TTC28: variants seen among roughly 807,000 people sequenced by gnomAD.
TTC28 encodes tetratricopeptide repeat domain 28, also known as tetratricopeptide repeat protein 28.
In TTC28, 61 loss-of-function variants were observed where a neutral mutation model predicts 198.0. The observed-to-expected ratio is 0.31, with a 90% CI of 0.25 to 0.38. The LOEUF is 0.38. Ranked by LOEUF, TTC28 falls within the 10% of genes least tolerant of loss-of-function variation. TTC28 has a pLI of 1.00. For missense variants in TTC28, 2,678 were observed against 3,164.0 expected (o/e 0.85, Z 3.69); for synonymous variants, 1,171 against 1,297.8 (o/e 0.90, Z 2.10).
chr22:28,606,054 G>A (rs1461475916), intron 2 of TTC28, among the ~76,000 whole-genome samples: 2 of 150,030 alleles, frequency 1.3e-5, no homozygotes, highest in South Asian at 4.2e-4. Context: ...ACATCACATT[G>A]TACTCCATAA....
chr22:28,651,311 C>CTTTT (rs111469498), intron 1 of TTC28, among the ~76,000 whole-genome samples: 2,960 of 147,528 alleles, frequency 0.02, 48 homozygotes, highest in Non-Finnish European at 0.027. Context: ...TCTGTCACTC[C>CTTTT]TTTTTTTTGA....
intron 13 of TTC28, among the ~76,000 whole-genome samples, chr22:28,020,553 G>A (rs1018872720): frequency 7.2e-5 from 11 of 152,068 alleles, no homozygotes; most frequent in African/African-American, 1.9e-4. Context: ...ATCTTCCCTC[G>A]CTGCTCATGA....
chr22:28,269,769 T>C (rs1931930886), intron 5 of TTC28, among the ~76,000 whole-genome samples: 1 of 152,204 alleles, frequency 6.6e-6, no homozygotes, highest in African/African-American at 2.4e-5. Flanking sequence ...TTAGGCTTAC[T>C]GCTGATAACT....
chr22:28,671,109 T>A (rs1344048039), intron 1 of TTC28, among the ~76,000 whole-genome samples: 1 of 151,876 alleles, frequency 6.6e-6, no homozygotes, highest in Non-Finnish European at 1.5e-5. Context: ...GGGCTAACAT[T>A]TTTTTCTATT....
intron 2 of TTC28, among the ~76,000 whole-genome samples, chr22:28,424,916 G>C (rs750084408): frequency 3.9e-5 from 6 of 152,094 alleles, no homozygotes; most frequent in Admixed American, 1.3e-4. Flanking sequence ...TTTACTCTGG[G>C]TTCTTGGATT....
At chr22:28,550,647 TA>T (rs2049650248) in intron 2 of TTC28, among the ~76,000 whole-genome samples, 1 of 152,120 alleles carries the variant, frequency 6.6e-6, no homozygotes, top group Non-Finnish European at 1.5e-5. Flanking sequence ...AATGAAACAT[TA>T]AAAAGTACCA....
chr22:28,573,579 G>A (rs1041758223), intron 2 of TTC28, among the ~76,000 whole-genome samples: 1 of 151,904 alleles, frequency 6.6e-6, no homozygotes, highest in African/African-American at 2.4e-5. Context: ...TACATAGTAG[G>A]TATATATATT....
chr22:28,587,636 C>T (rs1027068432), intron 2 of TTC28, among the ~76,000 whole-genome samples: 5 of 151,568 alleles, frequency 3.3e-5, no homozygotes, highest in Non-Finnish European at 7.4e-5. Context: ...TAATAGAGAT[C>T]GGGTTTCACC....
chr22:28,178,952 G>T (rs1051828442), intron 5 of TTC28, among the ~76,000 whole-genome samples: 7 of 152,184 alleles, frequency 4.6e-5, no homozygotes, highest in African/African-American at 1.4e-4. Context: ...TGATGAATTT[G>T]CAATCCCCAC....
intron 2 of TTC28, among the ~76,000 whole-genome samples, chr22:28,386,182 G>A (rs2046582700): frequency 1.4e-5 from 2 of 147,134 alleles, no homozygotes; most frequent in South Asian, 4.5e-4. Flanking sequence ...GGCTGAGGCA[G>A]GAGAATGGCG....
chr22:28,069,572 A>G (rs368783589), intron 12 of TTC28, among the ~76,000 whole-genome samples: 2 of 152,310 alleles, frequency 1.3e-5, no homozygotes, highest in African/African-American at 4.8e-5. Flanking sequence ...AGCATAAGAT[A>G]AAATAAAAAT....
intron 5 of TTC28, among the ~76,000 whole-genome samples, chr22:28,240,713 C>G (rs1224171363): frequency 6.6e-6 from 1 of 152,078 alleles, no homozygotes; most frequent in African/African-American, 2.4e-5. Context: ...CTTGTGGGAC[C>G]TGGGCAGGGA....
chr22:28,130,708 C>G (rs1388489809), intron 6 of TTC28, among the ~76,000 whole-genome samples: 1 of 152,146 alleles, frequency 6.6e-6, no homozygotes, highest in Non-Finnish European at 1.5e-5. Flanking sequence ...TCTGGAGATT[C>G]CTTTTGCTGC....
At chr22:28,388,167 T>C (rs1021810998) in intron 2 of TTC28, among the ~76,000 whole-genome samples, 1 of 152,232 alleles carries the variant, frequency 6.6e-6, no homozygotes, top group African/African-American at 2.4e-5. Context: ...ATATGCGGCG[T>C]TATTTCTGAG....
In TTC28 at chr22:28,629,733, T is replaced by C; in HGVS notation, c.200A>G (p.Gln67Arg). Residue 67 changes from glutamine to arginine, a missense_variant, in exon 2 of 23, where the codon CAG (glutamine) becomes CGG (arginine). Coordinates refer to ENST00000397906, the MANE Select transcript of TTC28 (RefSeq NM_001145418.2). The stretch of plus-strand genomic sequence containing the variant: ...GTGGAAATCTCCATCATGACAGGCC[T>C]GATTACTCTGACGAACTTTCTCAAC... ...EFVEKVRQSN[Q>R]ACHDGDFHTA... 6.4e-7 allele frequency: 1 copy of C among 1,551,730 alleles called. No individual in the cohort carries two copies. The highest frequency in any genetic ancestry group is 8.7e-7 in the Non-Finnish European group (1 of 1,146,988).
Position 28,552,758 on chromosome 22 carries a change from T to TCTCCCC in TTC28, c.381+76793_381+76794insGGGGAG, listed in dbSNP as rs2049700072. ...ATGGATCAAAGCCTCTCCCTCTCCC[T>TCTCCCC]CTCCGCCTCCCCCTCCCCCTCCCCC... On this transcript the variant is annotated intron_variant, in intron 2 of 22. Transcript: ENST00000397906. Among the ~76,000 whole-genome samples the TCTCCCC allele has an allele frequency of 8.3e-5, 11 of 133,308 alleles. 1 individual carries two copies. The highest frequency in any genetic ancestry group is 1.9e-4 in the Non-Finnish European group (11 of 58,686). 87.5% of individuals were successfully genotyped at this position (133,308 alleles called of 152,430 possible).
At chr22:28,525,917 G>T (rs921153838) in intron 2 of TTC28, among the ~76,000 whole-genome samples, 2 of 152,124 alleles carry the variant, frequency 1.3e-5, no homozygotes, top group African/African-American at 4.8e-5. Flanking sequence ...AAACACTATA[G>T]TATCTACTAT....
Position 28,124,200 on chromosome 22 carries a change from T to TG in TTC28, c.1442-15798_1442-15797insC, listed in dbSNP as rs10693754. ...TTGTTGTTGTTGTTGTTGTTGTTGTTTGTTTTTTGTTTTTTTCCTGTTTGA... is the reference window on the plus strand; with the variant it reads ...TTGTTGTTGTTGTTGTTGTTGTTGTTGTGTTTTTTGTTTTTTTCCTGTTTGA... On this transcript the variant is annotated intron_variant, in intron 6 of 22. Transcript: ENST00000397906. Among the ~76,000 whole-genome samples, 8 of 137,458 alleles carry TG rather than the reference T, an allele frequency of 5.8e-5. No homozygotes were observed. The East Asian group carries it at 1.3e-3, about 22-fold the overall frequency. 90.2% of individuals were successfully genotyped at this position (137,458 alleles called of 152,430 possible).
chr22:28,373,260 A>C (rs2046363699), intron 2 of TTC28, among the ~76,000 whole-genome samples: 1 of 152,148 alleles, frequency 6.6e-6, no homozygotes, highest in South Asian at 2.1e-4. Flanking sequence ...ATGTTGAAAA[A>C]AAAAAAAGCC....
Sources: gnomAD v4.1 joint callset for allele counts (sites outside exome capture counted in the v4.1 genomes callset) on GRCh38, gnomAD v4.1.1 for gene constraint, MANE v1.5 for transcripts, NCBI Gene and HGNC (gene_info 2026-07-23, HGNC 2026-07-21) for gene names.